The following RBFOX1 variants were observed in gnomAD, a reference collection of about 807,000 sequenced individuals.
RBFOX1 encodes RNA binding fox-1 homolog 1.
Under a neutral mutation model 57.7 loss-of-function variants are expected in RBFOX1, and 8 were observed. That is an observed-to-expected ratio of 0.14 (90% CI 0.08 to 0.25). The LOEUF is 0.25. Ranked by LOEUF, RBFOX1 falls within the 10% of genes least tolerant of loss-of-function variation. The probability of loss-of-function intolerance (pLI) is 1.00; values close to 1 mark genes in which losing one functional copy is unlikely to be tolerated. For synonymous variants in RBFOX1, 326 were observed against 222.4 expected, an observed-to-expected ratio of 1.47 and a Z score of -4.15; for missense variants, 611 against 548.5, an observed-to-expected ratio of 1.11 and a Z score of -1.14.
At chr16:5,246,283 T>C (rs1271799466) in intron 1 of RBFOX1, among the ~76,000 whole-genome samples, 1 of 152,250 alleles carries the variant, frequency 6.6e-6, no homozygotes, top group Non-Finnish European at 1.5e-5. Flanking sequence ...ATTTTATTTT[T>C]AATAATTATT....
intron 2 of RBFOX1, among the ~76,000 whole-genome samples, chr16:6,338,590 C>G (rs2084090434): frequency 6.6e-6 from 1 of 152,216 alleles, no homozygotes; most frequent in Admixed American, 6.5e-5. Flanking sequence ...TGGATGAAAT[C>G]TAAGTTCTTG....
intron 4 of RBFOX1, among the ~76,000 whole-genome samples, chr16:7,205,237 G>A (rs1341763706): frequency 4.6e-5 from 7 of 152,114 alleles, no homozygotes; most frequent in Non-Finnish European, 1.0e-4. Flanking sequence ...ATGGAAATGG[G>A]CGGGGCGTGG....
chr16:5,543,117 A>G (rs1039951585), intron 2 of RBFOX1, among the ~76,000 whole-genome samples: 1 of 152,212 alleles, frequency 6.6e-6, no homozygotes, highest in African/African-American at 2.4e-5. Context: ...AAAGGGATCG[A>G]ACTGTTTTCA....
At chr16:7,051,237 C>G (rs762584850) in intron 3 of RBFOX1, among the ~76,000 whole-genome samples, 32 of 152,122 alleles carry the variant, frequency 2.1e-4, no homozygotes, top group Non-Finnish European at 4.0e-4. Context: ...GACAGAATGA[C>G]CATATATCTC....
chr16:7,256,005 TC>T (rs1268853417), intron 4 of RBFOX1, among the ~76,000 whole-genome samples: 1 of 152,202 alleles, frequency 6.6e-6, no homozygotes, highest in Non-Finnish European at 1.5e-5. Context: ...TCTCCTTTTG[TC>T]TTATTTGCAT....
Position 5,350,829 on chromosome 16 carries a change from C to T in RBFOX1, c.219+110724C>T, listed in dbSNP as rs530148833. On this transcript the variant is annotated intron_variant, in intron 1 of 2. Coordinates refer to the RBFOX1 transcript ENST00000585867. ...GCAGTGAGCCGATATTGCACCACTG[C>T]GCTCCAGCCTGGGCAACAAAAGTGA... Among the ~76,000 whole-genome samples the T allele has an allele frequency of 3.9e-5, 6 of 152,168 alleles. No individual in the cohort carries two copies. The East Asian group carries it at 5.8e-4, about 15-fold the overall frequency.
chr16:7,536,754 A>G (rs1467130073), intron 5 of RBFOX1, among the ~76,000 whole-genome samples: 2 of 152,192 alleles, frequency 1.3e-5, no homozygotes, highest in African/African-American at 4.8e-5. Flanking sequence ...TCTCTTTCCA[A>G]CAGGACAGGG....
At chr16:7,234,837 G>A (rs537795075) in intron 4 of RBFOX1, among the ~76,000 whole-genome samples, 38 of 152,050 alleles carry the variant, frequency 2.5e-4, no homozygotes, top group Middle Eastern at 3.4e-3. Context: ...TTTTTGGTAC[G>A]TGGATGTTTT....
chr16:6,897,009 C>T (rs780713754), intron 3 of RBFOX1, among the ~76,000 whole-genome samples: 2 of 152,196 alleles, frequency 1.3e-5, no homozygotes, highest in African/African-American at 4.8e-5. Flanking sequence ...GCAGGGGACG[C>T]ACCTGTGCAG....
At chr16:6,179,633 C>T (rs1249980699) in intron 1 of RBFOX1, among the ~76,000 whole-genome samples, 1 of 152,198 alleles carries the variant, frequency 6.6e-6, no homozygotes, top group Admixed American at 6.5e-5. Flanking sequence ...AGAACCAGAA[C>T]ACCCAACAGC....
At chr16:6,077,494 A>G (rs920503921) in intron 1 of RBFOX1, among the ~76,000 whole-genome samples, 3 of 152,046 alleles carry the variant, frequency 2.0e-5, no homozygotes, top group Admixed American at 6.6e-5. Flanking sequence ...CATGACCACC[A>G]CCATCCCTCT....
chr16:6,790,859 C>T (rs1319040362), intron 3 of RBFOX1, among the ~76,000 whole-genome samples: 1 of 151,450 alleles, frequency 6.6e-6, no homozygotes, highest in African/African-American at 2.4e-5. Context: ...TTGTGTGTGT[C>T]ACCAAATTAT....
At chr16:7,565,252 TG>T (rs35490244) in intron 5 of RBFOX1, among the ~76,000 whole-genome samples, 72,604 of 151,680 alleles carry the variant, frequency 0.48, 17,848 homozygotes, top group Non-Finnish European at 0.53. Flanking sequence ...GGAGTTGATC[TG>T]GTATGCATGA....
intron 1 of RBFOX1, among the ~76,000 whole-genome samples, chr16:6,092,248 C>A (rs2096185959): frequency 6.6e-6 from 1 of 152,156 alleles, no homozygotes; most frequent in African/African-American, 2.4e-5. Flanking sequence ...GCTTCACATG[C>A]ATTAAGTTAG....
At chr16:7,409,292 GT>G (rs1245246288) in intron 4 of RBFOX1, among the ~76,000 whole-genome samples, 2 of 152,176 alleles carry the variant, frequency 1.3e-5, no homozygotes, top group Non-Finnish European at 2.9e-5. Context: ...CTGTAGCTTT[GT>G]TCTGAACCGT....
intron 4 of RBFOX1, among the ~76,000 whole-genome samples, chr16:7,481,966 C>T (rs1424817891): frequency 5.3e-5 from 8 of 152,090 alleles, no homozygotes; most frequent in Admixed American, 4.6e-4. Context: ...ATTATGAGAA[C>T]GCGAGATACG....
At chr16:5,508,907 G>GT (rs2043476416) in intron 2 of RBFOX1, among the ~76,000 whole-genome samples, 1 of 152,200 alleles carries the variant, frequency 6.6e-6, no homozygotes, top group Non-Finnish European at 1.5e-5. Flanking sequence ...CCACCTGGGG[G>GT]TTCTGCCGCG....
rs1597418600 is a variant in RBFOX1, at chr16:7,398,218, A to G, written c.28-119929A>G. 2.6e-5 allele frequency among the ~76,000 whole-genome samples: 4 copies of G among 152,222 alleles called. No homozygotes were observed. In the South Asian group the frequency reaches 8.3e-4, roughly 31 times the overall value. Reference sequence around the variant, plus strand: ...CGCTTATGCTTAAAGCATCAGTATCATTGCCTGACAGCTTATCACAGTGGC... The same window carrying G: ...CGCTTATGCTTAAAGCATCAGTATCGTTGCCTGACAGCTTATCACAGTGGC... On this transcript the variant is annotated intron_variant, in intron 4 of 15. Transcript: ENST00000550418.
intron 2 of RBFOX1, among the ~76,000 whole-genome samples, chr16:6,458,769 C>T (rs1935397): frequency 0.3 from 45,697 of 152,116 alleles, 7,030 homozygotes; most frequent in Middle Eastern, 0.34. Flanking sequence ...TACAGATATA[C>T]GACAGAGTTG....
Sources: gnomAD v4.1 joint callset for allele counts (sites outside exome capture counted in the v4.1 genomes callset) on GRCh38, gnomAD v4.1.1 for gene constraint, MANE v1.5 for transcripts, NCBI Gene and HGNC (gene_info 2026-07-23, HGNC 2026-07-21) for gene names.